The following FER variants were observed in gnomAD, a reference collection of about 807,000 sequenced individuals.
The protein encoded by FER is FER tyrosine kinase, also known as tyrosine-protein kinase Fer.
FER carries 63 observed loss-of-function variants against 111.0 expected under a neutral mutation model. The ratio of observed to expected loss-of-function variants is 0.57; its 90% CI spans 0.46 to 0.70. The LOEUF is 0.70. Ranked by LOEUF, FER falls within the 30% of genes least tolerant of loss-of-function variation. FER has a pLI of 0.00. For synonymous variants in FER, 327 were observed against 313.9 expected (o/e 1.04, Z -0.44); for missense variants, 914 against 954.0 (o/e 0.96, Z 0.55).
At chr5:108,805,668 T>A (rs1455077334) in intron 3 of FER, among the ~76,000 whole-genome samples, 1 of 152,156 alleles carries the variant, frequency 6.6e-6, no homozygotes, top group Non-Finnish European at 1.5e-5. Flanking sequence ...AGGTGACTCT[T>A]GTTTTGTTGC....
intron 17 of FER, among the ~76,000 whole-genome samples, chr5:109,101,222 CT>C (rs1748194064): frequency 6.6e-6 from 1 of 151,816 alleles, no homozygotes; most frequent in South Asian, 2.1e-4. Flanking sequence ...CTAAATATGG[CT>C]AAGTATAAAT....
intron 16 of FER, among the ~76,000 whole-genome samples, chr5:109,092,324 A>G (rs1443776463): frequency 6.6e-6 from 1 of 150,518 alleles, no homozygotes; most frequent in Non-Finnish European, 1.5e-5. Flanking sequence ...TCAGAGGGAA[A>G]AAGCAACCTA....
rs536823327 is a variant in FER, at chr5:109,025,831, G to T, written c.1657-11591G>T. ...ATTTATTGAGAGTTTTTAGCATGAAGGGTTGTTGAATTTTGTCAAAGGCCT... is the reference window on the plus strand; with the variant it reads ...ATTTATTGAGAGTTTTTAGCATGAATGGTTGTTGAATTTTGTCAAAGGCCT... On this transcript the variant is annotated intron_variant, in intron 13 of 19. Transcript: ENST00000281092. 1.8e-4 allele frequency among the ~76,000 whole-genome samples: 27 copies of T among 152,074 alleles called. 1 individual carries two copies. The highest frequency in any genetic ancestry group is 3.9e-4 in the African/African-American group (16 of 41,392).
At chr5:108,845,134 A>C (rs1477455661) in intron 5 of FER, among the ~76,000 whole-genome samples, 2 of 141,836 alleles carry the variant, frequency 1.4e-5, no homozygotes, top group Admixed American at 1.4e-4. Flanking sequence ...CTATGGACTT[A>C]CTGAACTTGT....
intron 10 of FER, among the ~76,000 whole-genome samples, chr5:108,915,222 C>G (rs113526911): frequency 1.5e-3 from 227 of 152,258 alleles, no homozygotes; most frequent in African/African-American, 5.1e-3. Flanking sequence ...CCTGTAATCC[C>G]AGCACTTTGG....
intron 9 of FER, 57 bp from the exon 10 acceptor site, chr5:108,897,601 AG>A: frequency 8.2e-7 from 1 of 1,217,980 alleles, no homozygotes; most frequent in Non-Finnish European, 1.1e-6. Context: ...TACATATATG[AG>A]GTTTCCTTAA....
chr5:109,040,247 A>G (rs1770965570), intron 14 of FER, among the ~76,000 whole-genome samples: 1 of 152,130 alleles, frequency 6.6e-6, no homozygotes, highest in African/African-American at 2.4e-5. Context: ...TTGTTAGTAT[A>G]TAGCTGGTAC....
intron 16 of FER, among the ~76,000 whole-genome samples, chr5:109,097,579 A>G (rs575136809): frequency 8.5e-5 from 13 of 152,050 alleles, no homozygotes; most frequent in Admixed American, 3.3e-4. Flanking sequence ...GAAAATGACA[A>G]AAGAACAAGT....
chr5:108,924,573 C>G, intron 10 of FER: 2 of 1,226,572 alleles, frequency 1.6e-6, no homozygotes, highest in Non-Finnish European at 2.0e-6. Flanking sequence ...CACCTCTCTT[C>G]TATCTTGCTT....
chr5:108,955,238 GATT>G, intron 12 of FER, among the ~76,000 whole-genome samples: 1 of 151,746 alleles, frequency 6.6e-6, no homozygotes, highest in Non-Finnish European at 1.5e-5. Flanking sequence ...AAAACAATGT[GATT>G]ATTATAAATT....
chr5:108,835,156 A>G (rs1760479549), intron 4 of FER, among the ~76,000 whole-genome samples: 1 of 141,100 alleles, frequency 7.1e-6, no homozygotes, highest in Non-Finnish European at 1.5e-5. Context: ...ATTTTAGATA[A>G]TGGCAGTGTT....
At chr5:108,848,457 C>T (rs1322657448) in intron 5 of FER, among the ~76,000 whole-genome samples, 1 of 151,996 alleles carries the variant, frequency 6.6e-6, no homozygotes, top group East Asian at 1.9e-4. Flanking sequence ...AGATTCTTAT[C>T]TCTTCTGCTA....
At chr5:108,837,467 G>GT (rs2150144430) in intron 5 of FER, among the ~76,000 whole-genome samples, 1 of 152,226 alleles carries the variant, frequency 6.6e-6, no homozygotes, top group East Asian at 1.9e-4. Flanking sequence ...ATTTTATAAA[G>GT]TTCATTGCTT....
At chr5:108,769,481 C>T (rs1015826328) in intron 2 of FER, among the ~76,000 whole-genome samples, 4 of 151,948 alleles carry the variant, frequency 2.6e-5, no homozygotes, top group East Asian at 1.9e-4. Context: ...GGGTTTGGCC[C>T]GAGGTTTGCA....
intron 13 of FER, among the ~76,000 whole-genome samples, chr5:109,026,366 C>G (rs914211826): frequency 6.6e-6 from 1 of 151,870 alleles, no homozygotes; most frequent in Non-Finnish European, 1.5e-5. Context: ...AACAAATACT[C>G]GGTTACTAAA....
At chr5:109,143,755 G>T (rs79092322) in intron 17 of FER, among the ~76,000 whole-genome samples, 1 of 151,330 alleles carries the variant, frequency 6.6e-6, no homozygotes, top group Non-Finnish European at 1.5e-5. Context: ...GCCCAGGCTG[G>T]ATTCGAACTC....
intron 17 of FER, among the ~76,000 whole-genome samples, chr5:109,148,086 CT>C (rs1754437387): frequency 6.6e-6 from 1 of 151,874 alleles, no homozygotes; most frequent in African/African-American, 2.4e-5. Flanking sequence ...GTAGGGGCAT[CT>C]GTCTTAACTG....
chr5:108,838,223 A>T (rs36047276), intron 5 of FER, among the ~76,000 whole-genome samples: 1 of 152,144 alleles, frequency 6.6e-6, no homozygotes, highest in Admixed American at 6.5e-5. Flanking sequence ...TTTTTCCAAC[A>T]TATATAGGCT....
At chr5:108,817,292 G>T (rs1204538798) in intron 3 of FER, among the ~76,000 whole-genome samples, 2 of 151,912 alleles carry the variant, frequency 1.3e-5, no homozygotes, top group African/African-American at 2.4e-5. Context: ...TTCAGCTTTA[G>T]GGGAATTTAA....
Sources: allele counts gnomAD v4.1 joint callset (sites outside exome capture counted in the v4.1 genomes callset), GRCh38; gene constraint gnomAD v4.1.1; transcripts MANE v1.5; gene names NCBI Gene and HGNC (gene_info 2026-07-23, HGNC 2026-07-21).